The following TMEM272 variants were observed in gnomAD, a reference collection of about 807,000 sequenced individuals.
TMEM272 encodes the protein transmembrane protein 272.
In TMEM272, 8 loss-of-function variants were observed where a neutral mutation model predicts 3.7. The ratio of observed to expected loss-of-function variants is 2.17; its 90% CI spans 1.27 to 3.91. The LOEUF (loss-of-function observed/expected upper bound fraction) is 3.91, where lower values mean the gene tolerates loss of function less well. Ranked by LOEUF, TMEM272 falls within the 30% of genes most tolerant of loss-of-function variation. The pLI, the probability that TMEM272 is intolerant of heterozygous loss-of-function variation, is 0.00. For synonymous variants in TMEM272, 63 were observed against 39.8 expected (o/e 1.58, Z -2.20); for missense variants, 166 against 91.5 (o/e 1.81, Z -3.32).
At chr13:51,928,362 G>A in the TMEM272 span, among the ~76,000 whole-genome samples, 5 of 152,190 alleles carry the variant, frequency 3.3e-5, no homozygotes, top group African/African-American at 7.2e-5. Flanking sequence ...TGAGCACTCC[G>A]GATGTGCCGG....
chr13:51,849,878 C>T (rs1956323201), upstream of TMEM272, among the ~76,000 whole-genome samples: 1 of 152,204 alleles, frequency 6.6e-6, no homozygotes, highest in Admixed American at 6.5e-5. Context: ...CCCTCCCCAT[C>T]GCTTCCTGCC....
At chr13:51,907,206 CTCACTCTAGAGCCCT>C in the TMEM272 span, among the ~76,000 whole-genome samples, 4 of 152,186 alleles carry the variant, frequency 2.6e-5, no homozygotes, top group African/African-American at 9.6e-5. Context: ...CCTAAGGGAG[CTCACTCTAGAGCCCT>C]TCATGAGAGG....
the TMEM272 span, chr13:51,865,986 A>G: frequency 1.8e-5 from 29 of 1,613,862 alleles, no homozygotes; most frequent in Non-Finnish European, 2.5e-5. Flanking sequence ...ATGGAGAACA[A>G]TGGCCACATT....
At chr13:51,826,202 G>A (rs1956124085) in intron 3 of TMEM272, among the ~76,000 whole-genome samples, 1 of 147,816 alleles carries the variant, frequency 6.8e-6, no homozygotes, top group South Asian at 2.1e-4. Context: ...TGCATTTTTT[G>A]TATTGCTTGC....
rs1436251975 is a variant in TMEM272 at position 51,817,072 on chromosome 13, C to A, written c.243G>T (p.Leu81=). 1.4e-6 allele frequency: 1 copy of A among 702,922 alleles called. No individual in the cohort carries two copies. Among genetic ancestry groups the A allele is most frequent in the South Asian group, 1.5e-5 (1 of 67,602 alleles). The allele number at this position is 702,922 out of a possible 1,614,324, so 43.5% of individuals were successfully genotyped here. Residue 81 remains leucine, a synonymous_variant, in exon 5 of 5, where the codon CTG becomes CTT. Transcript: ENST00000629372. The part of the protein sequence containing the change: ...LLYDSTRMRR[L]LSKAVVIDDD... ...CATCAATCACCACGGCCTTGGACAG[C>A]AGCCGCCTCATCCTGGTGGAGTCGT...
the TMEM272 span, among the ~76,000 whole-genome samples, chr13:51,911,699 C>T: frequency 8.9e-3 from 1,363 of 152,314 alleles, 19 homozygotes; most frequent in African/African-American, 0.031. Flanking sequence ...CACCAGTTGG[C>T]TGCTCTAAGC....
chr13:51,878,274 C>T, the TMEM272 span, among the ~76,000 whole-genome samples: 2 of 152,022 alleles, frequency 1.3e-5, no homozygotes, highest in Admixed American at 1.3e-4. Context: ...ACTAAAAATA[C>T]AAAAAATTAG....
the TMEM272 span, among the ~76,000 whole-genome samples, chr13:51,929,097 T>C: frequency 6.6e-6 from 1 of 152,032 alleles, no homozygotes; most frequent in East Asian, 1.9e-4. Flanking sequence ...CTTGGGAGGC[T>C]GAGACAGGAG....
chr13:51,821,989 T>G, intron 4 of TMEM272, 66 bp downstream of exon 4: 1 of 701,918 alleles, frequency 1.4e-6, no homozygotes, highest in East Asian at 2.7e-5. Context: ...AAATAACAGG[T>G]GCATTACAGG....
chr13:51,907,288 A>C, the TMEM272 span, among the ~76,000 whole-genome samples: 1 of 152,164 alleles, frequency 6.6e-6, no homozygotes, highest in Non-Finnish European at 1.5e-5. Flanking sequence ...ATGTATTCTG[A>C]CACTTCAACA....
chr13:51,866,006 C>CA, the TMEM272 span: 12 of 1,612,356 alleles, frequency 7.4e-6, no homozygotes, highest in Non-Finnish European at 1.0e-5. Context: ...TGCCGGAGAG[C>CA]AGATGCTCGA....
At chr13:51,910,178 TAGAC>T in the TMEM272 span, 4 of 1,093,066 alleles carry the variant, frequency 3.7e-6, no homozygotes, top group East Asian at 2.4e-5. Flanking sequence ...TCCCCTTTTC[TAGAC>T]AGAGTATTTC....
chr13:51,919,788 C>T, the TMEM272 span, among the ~76,000 whole-genome samples: 1 of 152,260 alleles, frequency 6.6e-6, no homozygotes. Context: ...GCATGTCGCT[C>T]TCCTCACCTG....
the TMEM272 span, among the ~76,000 whole-genome samples, chr13:51,917,344 T>G: frequency 6.6e-6 from 1 of 151,832 alleles, no homozygotes; most frequent in Non-Finnish European, 1.5e-5. Context: ...CAAGGAGGAG[T>G]TTGAGCACCC....
the TMEM272 span, among the ~76,000 whole-genome samples, chr13:51,920,626 C>A: frequency 6.6e-6 from 1 of 152,188 alleles, no homozygotes; most frequent in Non-Finnish European, 1.5e-5. Flanking sequence ...AGGGCTTTCT[C>A]ACTCACAGGG....
At chr13:51,839,229 G>A (rs1018478372) in intron 1 of TMEM272, among the ~76,000 whole-genome samples, 1 of 152,164 alleles carries the variant, frequency 6.6e-6, no homozygotes, top group Admixed American at 6.5e-5. Context: ...GTGAGAAAGG[G>A]CTTCCCTTCC....
chr13:51,909,988 A>G, the TMEM272 span: 2 of 1,570,156 alleles, frequency 1.3e-6, no homozygotes, highest in Non-Finnish European at 1.8e-6. Context: ...TTTTCACTCG[A>G]AGCATCTTGT....
the TMEM272 span, among the ~76,000 whole-genome samples, chr13:51,859,577 A>C: frequency 6.6e-6 from 1 of 151,854 alleles, no homozygotes; most frequent in Admixed American, 6.6e-5. Flanking sequence ...GAAAGGAGAC[A>C]TCAGTTCATG....
chr13:51,818,398 A>G (rs776947389), intron 4 of TMEM272, among the ~76,000 whole-genome samples: 3 of 152,208 alleles, frequency 2.0e-5, no homozygotes, highest in Non-Finnish European at 4.4e-5. Flanking sequence ...TTGGATGGAA[A>G]TGCAGGGTCT....
Sources: gnomAD v4.1 joint callset for allele counts (sites outside exome capture counted in the v4.1 genomes callset) on GRCh38, gnomAD v4.1.1 for gene constraint, MANE v1.5 for transcripts, NCBI Gene and HGNC (gene_info 2026-07-23, HGNC 2026-07-21) for gene names.